STRIP2: variants seen among roughly 807,000 people sequenced by gnomAD.
STRIP2 encodes the protein striatin-interacting protein 2.
A neutral mutation model predicts 107.1 loss-of-function variants in STRIP2; 84 were observed. The ratio of observed to expected loss-of-function variants is 0.78; its 90% CI spans 0.66 to 0.94. The LOEUF is 0.94. Ranked by LOEUF, STRIP2 falls within the 40% of genes least tolerant of loss-of-function variation. The probability of loss-of-function intolerance (pLI) is 0.00; values close to 1 mark genes in which losing one functional copy is unlikely to be tolerated. For missense variants in STRIP2, 888 were observed against 1,034.2 expected, an observed-to-expected ratio of 0.86 and a Z score of 1.94; for synonymous variants, 394 against 400.4, an observed-to-expected ratio of 0.98 and a Z score of 0.19.
intron 3 of STRIP2, among the ~76,000 whole-genome samples, chr7:129,448,294 T>G (rs1478984247): frequency 1.3e-5 from 2 of 152,206 alleles, no homozygotes; most frequent in African/African-American, 4.8e-5. Context: ...TCAGAGCCAG[T>G]GTCCAGTAGT....
intron 18 of STRIP2, among the ~76,000 whole-genome samples, chr7:129,475,923 T>A (rs1798914689): frequency 6.6e-6 from 1 of 152,206 alleles, no homozygotes; most frequent in Non-Finnish European, 1.5e-5. Flanking sequence ...GAAGAATTTC[T>A]CCTAGTACAG....
In STRIP2 at chr7:129,458,811, G is replaced by A. The variant is rs756932581; in HGVS notation, c.1340+34G>A. ...CTGAATGGCTGGAACTGGCTACAGAGTGGTTCCTAGGGGGCCAGAGGAGCA... is the reference window on the plus strand; with the variant it reads ...CTGAATGGCTGGAACTGGCTACAGAATGGTTCCTAGGGGGCCAGAGGAGCA... On this transcript the variant is annotated intron_variant, in intron 11 of 20. Transcript: ENST00000249344. The surrounding 1 kb of genome is among the most constrained non-coding windows in gnomAD (Gnocchi z 4.6). The A allele has an allele frequency of 2.5e-6, 4 of 1,609,516 alleles. No homozygotes were observed. Among genetic ancestry groups the A allele is most frequent in the Non-Finnish European group, 2.6e-6 (3 of 1,175,952 alleles).
chr7:129,472,497 C>T (rs992637877), intron 18 of STRIP2, among the ~76,000 whole-genome samples: 1 of 152,068 alleles, frequency 6.6e-6, no homozygotes, highest in Non-Finnish European at 1.5e-5. Flanking sequence ...TATTTTACTA[C>T]TTTGTGTGAA....
At chr7:129,471,752 C>T (rs1460708195) in intron 18 of STRIP2, among the ~76,000 whole-genome samples, 1 of 152,122 alleles carries the variant, frequency 6.6e-6, no homozygotes, top group East Asian at 1.9e-4. Flanking sequence ...TCATGGTTTA[C>T]TCCTCATAGG....
intron 1 of STRIP2, among the ~76,000 whole-genome samples, chr7:129,434,924 A>G (rs2150982298): frequency 6.6e-6 from 1 of 152,316 alleles, no homozygotes; most frequent in African/African-American, 2.4e-5. Context: ...AGAAATTCCG[A>G]TCCCAGTTTA....
chr7:129,482,227 C>T (rs1045283587), intron 19 of STRIP2, among the ~76,000 whole-genome samples: 185 of 151,962 alleles, frequency 1.2e-3, no homozygotes, highest in African/African-American at 4.2e-3. Flanking sequence ...AACAAAAATA[C>T]TGTGACAGTG....
chr7:129,450,868 A>G (rs1362578911), intron 3 of STRIP2, among the ~76,000 whole-genome samples: 2 of 151,224 alleles, frequency 1.3e-5, no homozygotes, highest in Non-Finnish European at 2.9e-5. Flanking sequence ...AAAAGTTTTA[A>G]AAGTGTTATG....
At chr7:129,451,560 C>T in intron 3 of STRIP2, 53 bp from the exon 4 acceptor site, 1 of 1,604,932 alleles carries the variant, frequency 6.2e-7, no homozygotes, top group Non-Finnish European at 8.5e-7. Context: ...AGGAGCCTTT[C>T]CAGGAAGGGT....
chr7:129,479,491 CTT>C (rs10558221), intron 18 of STRIP2, among the ~76,000 whole-genome samples: 82,694 of 136,146 alleles, frequency 0.61, 25,561 homozygotes, highest in East Asian at 0.94. Context: ...AATAATGTTT[CTT>C]TTTTTTTTTT....
intron 14 of STRIP2, 138 bp downstream of exon 14, chr7:129,463,178 A>G: frequency 1.5e-6 from 1 of 653,798 alleles, no homozygotes; most frequent in East Asian, 2.7e-5. Flanking sequence ...TCTCTGACAC[A>G]TGCAAATTCT....
intron 3 of STRIP2, 147 bp downstream of exon 3, chr7:129,444,245 A>G (rs751190103): frequency 1.5e-4 from 86 of 588,038 alleles, no homozygotes; most frequent in Non-Finnish European, 2.1e-4. Context: ...TAATATGATA[A>G]ATAGATAGAT....
intron 1 of STRIP2, among the ~76,000 whole-genome samples, chr7:129,437,691 A>G (rs553110286): frequency 2.0e-5 from 3 of 152,250 alleles, no homozygotes; most frequent in African/African-American, 7.2e-5. Flanking sequence ...TAAAACAGCA[A>G]CAACCCTATG....
intron 18 of STRIP2, among the ~76,000 whole-genome samples, chr7:129,472,240 C>T (rs1251125154): frequency 6.6e-6 from 1 of 152,144 alleles, no homozygotes; most frequent in Non-Finnish European, 1.5e-5. Flanking sequence ...ATAAAGTCAA[C>T]TTTTATGGCC....
At chr7:129,441,827 G>T (rs1471588826) in intron 2 of STRIP2, among the ~76,000 whole-genome samples, 1 of 151,960 alleles carries the variant, frequency 6.6e-6, no homozygotes, top group African/African-American at 2.4e-5. Flanking sequence ...TGTTGCCAAG[G>T]CTGGTCCTGA....
At chr7:129,472,262 C>A (rs1798805184) in intron 18 of STRIP2, among the ~76,000 whole-genome samples, 1 of 152,126 alleles carries the variant, frequency 6.6e-6, no homozygotes, top group South Asian at 2.1e-4. Flanking sequence ...GAATTTATTT[C>A]TTCCTATAAT....
intron 3 of STRIP2, among the ~76,000 whole-genome samples, chr7:129,444,977 G>A (rs1001940511): frequency 6.6e-6 from 1 of 152,166 alleles, no homozygotes; most frequent in Non-Finnish European, 1.5e-5. Flanking sequence ...AGCTGGTCAC[G>A]TGGTCGTAGC....
intron 18 of STRIP2, among the ~76,000 whole-genome samples, chr7:129,477,251 T>C (rs973522954): frequency 5.4e-5 from 7 of 130,228 alleles, no homozygotes; most frequent in African/African-American, 1.9e-4. Context: ...GCTATTGATA[T>C]CTTTTTTACT....
At chr7:129,459,861 C>T (rs374443589) in intron 12 of STRIP2, among the ~76,000 whole-genome samples, 21 of 152,008 alleles carry the variant, frequency 1.4e-4, no homozygotes, top group Non-Finnish European at 2.6e-4. Context: ...CTTTTTCTTT[C>T]ACTTCTCTCT....
At chr7:129,434,718 A>G in intron 1 of STRIP2, 117 bp downstream of exon 1, 2 of 1,223,528 alleles carry the variant, frequency 1.6e-6, no homozygotes, top group Non-Finnish European at 1.1e-6. Context: ...AGCCCCGCGC[A>G]GTGGGCGCCT....
Sources: allele counts gnomAD v4.1 joint callset (sites outside exome capture counted in the v4.1 genomes callset), GRCh38; gene constraint gnomAD v4.1.1; non-coding constraint Gnocchi (gnomAD v3.1); transcripts MANE v1.5; gene names NCBI Gene and HGNC (gene_info 2026-07-23, HGNC 2026-07-21).